The following ZNF274 variants were observed in gnomAD, a reference collection of about 807,000 sequenced individuals.
ZNF274 encodes zinc finger protein 274, also known as neurotrophin receptor-interacting factor homolog.
A neutral mutation model predicts 42.5 loss-of-function variants in ZNF274; 23 were observed. The observed-to-expected ratio is 0.54, with a 90% CI of 0.39 to 0.77. ZNF274 has a LOEUF of 0.77. ZNF274 is among the 30% of genes least tolerant of loss of function. The probability of loss-of-function intolerance (pLI) is 0.00; values close to 1 mark genes in which losing one functional copy is unlikely to be tolerated. For synonymous variants in ZNF274, 292 were observed against 305.4 expected (o/e 0.96, Z 0.46); for missense variants, 679 against 806.5 (o/e 0.84, Z 1.91).
Position 58,208,455 on chromosome 19 carries a change from AC to A in ZNF274, c.739+1254del, listed in dbSNP as rs1436621641. On this transcript the variant is annotated intron_variant, in intron 5 of 7. Coordinates refer to ENST00000617501, the MANE Select transcript of ZNF274 (RefSeq NM_133502.3). This position sits in a 1 kb window ranked among gnomAD's most constrained non-coding sequence, Gnocchi z 4.5. ...ACATGACAAAGGGGACTTTGCAGAA[AC>A]AATTAAGGATCTTGAGAGGGAGAGA... The A allele has an allele frequency of 6.6e-6, 1 of 152,272 alleles. No individual in the cohort carries two copies. Among genetic ancestry groups the A allele is most frequent in the African/African-American group, 2.4e-5 (1 of 41,458 alleles). The allele number at this position is 152,272 out of a possible 1,614,324, so 9.4% of individuals were successfully genotyped here.
Position 58,207,143 on chromosome 19 carries a change from A to C in ZNF274, c.680A>C (p.Glu227Ala). 1 of 1,613,410 alleles carries C rather than the reference A, an allele frequency of 6.2e-7. No homozygotes were observed. Among genetic ancestry groups the C allele is most frequent in the Non-Finnish European group, 8.5e-7 (1 of 1,179,720 alleles). Residue 227 changes from glutamate to alanine, a missense_variant, in exon 5 of 8, where the codon GAG becomes GCG. Physicochemically the swap from Glu to Ala is moderately radical, Grantham distance 107. Transcript: ENST00000617501. The surrounding 1 kb of genome is among the most constrained non-coding windows in gnomAD (Gnocchi z 5.6). ...LRTWVESQHP[E>A]NCQEVVALVE... The stretch of plus-strand genomic sequence containing the variant: ...ACATGGGTGGAATCGCAGCACCCAG[A>C]GAACTGCCAAGAGGTGGTGGCCCTG...
At chr19:58,187,705 A>G (rs1190385040) in intron 4 of ZNF274, among the ~76,000 whole-genome samples, 2 of 151,210 alleles carry the variant, frequency 1.3e-5, no homozygotes, top group African/African-American at 2.4e-5. Flanking sequence ...GGCATGAGCC[A>G]CCGTGTCTGT....
Position 58,212,102 on chromosome 19 carries a change from TC to T in ZNF274, c.980-58del. ...GAACTTAATTATGCATTTCATGCTCTCAGACCCATCCCAGCACATCTCTCTA... is the reference window on the plus strand; with the variant it reads ...GAACTTAATTATGCATTTCATGCTCTAGACCCATCCCAGCACATCTCTCTA... On this transcript the variant is annotated intron_variant, in intron 7 of 7. Transcript: ENST00000617501. This position sits in a 1 kb window ranked among gnomAD's most constrained non-coding sequence, Gnocchi z 4.6. The T allele has an allele frequency of 1.3e-6, 2 of 1,530,108 alleles. No individual in the cohort carries two copies. The highest frequency in any genetic ancestry group is 1.7e-6 in the Non-Finnish European group (2 of 1,149,026). The allele number at this position is 1,530,108 out of a possible 1,614,324, so 94.8% of individuals were successfully genotyped here. A position where few individuals can be genotyped will look rare whatever the true frequency, so the allele number is the denominator to read the frequency against.
In ZNF274 at chr19:58,208,411, C is replaced by G. The variant is rs1661141984; in HGVS notation, c.739+1209C>G. 3 of 152,212 alleles carry G rather than the reference C, an allele frequency of 2.0e-5. No homozygotes were observed. Among genetic ancestry groups the G allele is most frequent in the Admixed American group, 2.0e-4 (3 of 15,272 alleles). 9.4% of individuals were successfully genotyped at this position (152,212 alleles called of 1,614,324 possible). The stretch of plus-strand genomic sequence containing the variant: ...GGTGTCCATGTCCTGACTCCTGGAC[C>G]CTGTGAATAAGTTGCCTCACATGAC... On this transcript the variant is annotated intron_variant, in intron 5 of 7. Coordinates refer to ENST00000617501, the MANE Select transcript of ZNF274 (RefSeq NM_133502.3). This position sits in a 1 kb window ranked among gnomAD's most constrained non-coding sequence, Gnocchi z 4.5.
chr19:58,183,460 C>T lies in ZNF274; in HGVS notation c.-46+18C>T. On this transcript the variant is annotated intron_variant, in intron 1 of 7. Coordinates refer to ENST00000617501, the MANE Select transcript of ZNF274 (RefSeq NM_133502.3). Reference sequence around the variant, plus strand: ...CGCGCCGGGTGAGTGCCGCGCGAAACCTGCGTCCGTCGGGGGCTGCGCTGG... The same window carrying T: ...CGCGCCGGGTGAGTGCCGCGCGAAATCTGCGTCCGTCGGGGGCTGCGCTGG... 1 of 152,672 alleles carries T rather than the reference C, an allele frequency of 6.5e-6. No individual in the cohort carries two copies. Among genetic ancestry groups the T allele is most frequent in the East Asian group, 1.9e-4 (1 of 5,182 alleles). The allele number at this position is 152,672 out of a possible 1,614,324, so 9.5% of individuals were successfully genotyped here.
Position 58,211,316 on chromosome 19 carries a change from G to T in ZNF274, c.853-244G>T. On this transcript the variant is annotated intron_variant, in intron 6 of 7. Transcript: ENST00000617501. The surrounding 1 kb of genome is among the most constrained non-coding windows in gnomAD (Gnocchi z 4.8). ...AGCCGTGGTTAGGATGGAGTTGTTT[G>T]CTTGTTGCACTTGGAGCTCTTTATG... 48 of 383,510 alleles carry T rather than the reference G, an allele frequency of 1.3e-4. No homozygotes were observed. Among genetic ancestry groups the T allele is most frequent in the East Asian group, 2.1e-4 (5 of 23,954 alleles). 23.8% of individuals were successfully genotyped at this position (383,510 alleles called of 1,614,324 possible). A position where few individuals can be genotyped will look rare whatever the true frequency, so the allele number is the denominator to read the frequency against.
At chr19:58,193,445 C>CTTTTTTT (rs71188098) in intron 4 of ZNF274, among the ~76,000 whole-genome samples, 2 of 47,782 alleles carry the variant, frequency 4.2e-5, no homozygotes, top group African/African-American at 9.6e-5. Context: ...CGCGCCTGGC[C>CTTTTTTT]TTTTTTTTTT....
intron 3 of ZNF274, among the ~76,000 whole-genome samples, 165 bp from the exon 4 acceptor site, chr19:58,186,782 C>T (rs1310452328): frequency 6.6e-6 from 1 of 151,962 alleles, no homozygotes; most frequent in Non-Finnish European, 1.5e-5. Flanking sequence ...GCAAAGGAGT[C>T]TAGGAAAGCC....
Position 58,212,459 on chromosome 19 carries a change from G to A in ZNF274, c.1278G>A (p.Glu426=), listed in dbSNP as rs766377478. 1 of 1,613,436 alleles carries A rather than the reference G, an allele frequency of 6.2e-7. No homozygotes were observed. The highest frequency in any genetic ancestry group is 1.1e-5 in the South Asian group (1 of 91,070). ...QVSLQKIDNP[E]SQANSGALDT... ...CGCTCCAGAAAATTGACAACCCTGA[G>A]TCCCAGGCAAACAGTGGCGCTCTTG... Residue 426 remains glutamate, a synonymous_variant, in exon 8 of 8, where the codon GAG becomes GAA. Transcript: ENST00000617501. The surrounding 1 kb of genome is among the most constrained non-coding windows in gnomAD (Gnocchi z 4.6).
rs997660410 is a variant in ZNF274 at position 58,213,197 on chromosome 19, C to CA, written c.*55dup. 7.4e-5 allele frequency: 114 copies of CA among 1,549,472 alleles called. No individual in the cohort carries two copies. The Admixed American group carries it at 7.6e-4, about 10-fold the overall frequency. On this transcript the variant is annotated 3_prime_UTR_variant, in exon 8 of 8. Transcript: ENST00000617501. Reference sequence around the variant, plus strand: ...TTTTCAGCTTGACCCTGCAATATAACATGCACAGGCCTGCTTGTGAATCAG... The same window carrying CA: ...TTTTCAGCTTGACCCTGCAATATAACAATGCACAGGCCTGCTTGTGAATCAG...
intron 5 of ZNF274, chr19:58,209,470 A>T (rs2076014865): frequency 6.6e-6 from 1 of 152,410 alleles, no homozygotes; most frequent in Admixed American, 6.5e-5. Context: ...TAGGTGGAGG[A>T]GACTTGGTGA....
chr19:58,199,531 G>A (rs1474047319), intron 4 of ZNF274, among the ~76,000 whole-genome samples: 1 of 152,168 alleles, frequency 6.6e-6, no homozygotes, highest in Non-Finnish European at 1.5e-5. Context: ...GACCAGCCTG[G>A]CCAACATGGT....
chr19:58,198,167 C>A (rs1216790942), intron 4 of ZNF274, among the ~76,000 whole-genome samples: 1 of 151,970 alleles, frequency 6.6e-6, no homozygotes, highest in African/African-American at 2.4e-5. Context: ...AAAAAATATT[C>A]CAAGAGCTCA....
At chr19:58,185,889 T>C (rs547028465) in intron 3 of ZNF274, 51 bp downstream of exon 3, 3 of 1,324,112 alleles carry the variant, frequency 2.3e-6, no homozygotes, top group East Asian at 5.6e-5. Context: ...AGCACAAATG[T>C]AGCACCTCTG....
chr19:58,188,702 A>ATGTG (rs757392884), intron 4 of ZNF274, among the ~76,000 whole-genome samples: 1 of 112,186 alleles, frequency 8.9e-6, no homozygotes, highest in Non-Finnish European at 1.8e-5. Flanking sequence ...ATGTATATAT[A>ATGTG]TATATATATA....
chr19:58,184,648 C>T (rs1353613389), intron 2 of ZNF274: 1 of 152,278 alleles, frequency 6.6e-6, no homozygotes, highest in Non-Finnish European at 1.5e-5. Context: ...GTGACAGCAG[C>T]AGAGTTCAAT....
At chr19:58,183,583 C>G (rs1188830100) in intron 1 of ZNF274, 141 bp downstream of exon 1, 1 of 195,192 alleles carries the variant, frequency 5.1e-6, no homozygotes, top group Non-Finnish European at 1.1e-5. Context: ...CCTCCCGCCG[C>G]TCTGTGGGAT....
In ZNF274 at chr19:58,183,429, G is replaced by A. The variant is rs1401818999; in HGVS notation, c.-59G>A. On this transcript the variant is annotated 5_prime_UTR_variant, in exon 1 of 8. Coordinates refer to ENST00000617501, the MANE Select transcript of ZNF274 (RefSeq NM_133502.3). ...GCCGCCGGCCGACGGGCGCCATTGTGCGGCGCGCGCCGGGTGAGTGCCGCG... is the reference window on the plus strand; with the variant it reads ...GCCGCCGGCCGACGGGCGCCATTGTACGGCGCGCGCCGGGTGAGTGCCGCG... 1 of 152,310 alleles carries A rather than the reference G, an allele frequency of 6.6e-6. No individual in the cohort carries two copies. The highest frequency in any genetic ancestry group is 2.4e-5 in the African/African-American group (1 of 41,454). The allele number at this position is 152,310 out of a possible 1,614,324, so 9.4% of individuals were successfully genotyped here.
At chr19:58,187,805 A>G (rs2075718086) in intron 4 of ZNF274, among the ~76,000 whole-genome samples, 1 of 152,132 alleles carries the variant, frequency 6.6e-6, no homozygotes, top group African/African-American at 2.4e-5. Flanking sequence ...AGCTCCCTGC[A>G]ACCTCCGCCT....
Sources: allele counts gnomAD v4.1 joint callset (sites outside exome capture counted in the v4.1 genomes callset), GRCh38; gene constraint gnomAD v4.1.1; non-coding constraint Gnocchi (gnomAD v3.1); transcripts MANE v1.5; gene names NCBI Gene and HGNC (gene_info 2026-07-23, HGNC 2026-07-21).